NRP1: variants seen among roughly 807,000 people sequenced by gnomAD.
The protein encoded by NRP1 is neuropilin-1.
In NRP1, 35 loss-of-function variants were observed where a neutral mutation model predicts 106.7. The ratio of observed to expected loss-of-function variants is 0.33; its 90% CI spans 0.25 to 0.43. NRP1 has a LOEUF of 0.43. Ranked by LOEUF, NRP1 falls within the 20% of genes least tolerant of loss-of-function variation. The probability of loss-of-function intolerance (pLI) is 1.00; values close to 1 mark genes in which losing one functional copy is unlikely to be tolerated. For synonymous variants in NRP1, 437 were observed against 417.9 expected, an observed-to-expected ratio of 1.05 and a Z score of -0.56; for missense variants, 1,024 against 1,170.4, an observed-to-expected ratio of 0.87 and a Z score of 1.83.
intron 15 of NRP1, 33 bp downstream of exon 15, chr10:33,185,595 A>C (rs1305496668): frequency 6.7e-7 from 1 of 1,494,924 alleles, no homozygotes; most frequent in Non-Finnish European, 9.3e-7. Flanking sequence ...CTGGGCAAGC[A>C]CTCCATTGGT....
intron 6 of NRP1, among the ~76,000 whole-genome samples, chr10:33,231,669 G>A (rs1840142718): frequency 6.6e-6 from 1 of 152,178 alleles, no homozygotes; most frequent in Non-Finnish European, 1.5e-5. Flanking sequence ...GATATAAAGA[G>A]CAGTAAGAGT....
intron 6 of NRP1, among the ~76,000 whole-genome samples, chr10:33,238,611 A>G: frequency 6.6e-6 from 1 of 152,222 alleles, no homozygotes; most frequent in Non-Finnish European, 1.5e-5. Context: ...CTGGTACAAC[A>G]GAGAGAAAAC....
chr10:33,299,707 G>T (rs1845666283), intron 2 of NRP1, among the ~76,000 whole-genome samples: 1 of 152,156 alleles, frequency 6.6e-6, no homozygotes, highest in Admixed American at 6.5e-5. Context: ...GCTCCCTTGA[G>T]CCCAGGAGTT....
In NRP1 at chr10:33,313,933, G is replaced by GTTCC. The variant is rs370164824; in HGVS notation, c.248+16771_248+16774dup. On this transcript the variant is annotated intron_variant, in intron 2 of 16. Transcript: ENST00000374867. ...AAACGTTTATTAGTTTATTACGTAA[G>GTTCC]TTCCTTCCTTCCTTCCTTCCTTCCC... 4.1e-3 allele frequency among the ~76,000 whole-genome samples: 621 copies of GTTCC among 151,882 alleles called. 2 individuals are homozygous for GTTCC. The highest frequency in any genetic ancestry group is 6.7e-3 in the Non-Finnish European group (457 of 67,914).
At chr10:33,256,543 C>T in intron 4 of NRP1, 72 bp from the exon 5 acceptor site, 5 of 1,526,080 alleles carry the variant, frequency 3.3e-6, no homozygotes, top group South Asian at 2.3e-5. Context: ...TTAGCATTTA[C>T]AAAGATGGGC....
chr10:33,187,576 G>T (rs1184408709), intron 13 of NRP1, among the ~76,000 whole-genome samples: 1 of 152,104 alleles, frequency 6.6e-6, no homozygotes. Context: ...TGAACTGCGA[G>T]GACTTTCTCT....
chr10:33,276,142 A>G (rs9971191), intron 2 of NRP1, among the ~76,000 whole-genome samples: 17,775 of 152,216 alleles, frequency 0.12, 1,193 homozygotes, highest in East Asian at 0.15. Context: ...TGTATTTTTC[A>G]AAATTTTTAC....
intron 2 of NRP1, among the ~76,000 whole-genome samples, chr10:33,322,613 C>T (rs1383835922): frequency 6.6e-6 from 1 of 152,020 alleles, no homozygotes; most frequent in African/African-American, 2.4e-5. Context: ...GAACTCCTGG[C>T]CTCAAGCAAT....
chr10:33,242,426 G>T (rs1057323229), intron 6 of NRP1, among the ~76,000 whole-genome samples: 5 of 152,138 alleles, frequency 3.3e-5, no homozygotes, highest in Non-Finnish European at 5.9e-5. Context: ...GCTATAAAAT[G>T]TTGCTGATTG....
chr10:33,332,360 A>G (rs1359051932), intron 1 of NRP1, among the ~76,000 whole-genome samples: 1 of 152,224 alleles, frequency 6.6e-6, no homozygotes, highest in East Asian at 1.9e-4. Context: ...AGACTCTTGC[A>G]TTATTTTGAA....
At chr10:33,327,167 T>C (rs562443559) in intron 2 of NRP1, among the ~76,000 whole-genome samples, 1 of 152,178 alleles carries the variant, frequency 6.6e-6, no homozygotes, top group South Asian at 2.1e-4. Context: ...GGGTGTATCA[T>C]GTGCAAATCA....
At chr10:33,315,691 C>T (rs561988957) in intron 2 of NRP1, among the ~76,000 whole-genome samples, 30 of 149,944 alleles carry the variant, frequency 2.0e-4, no homozygotes, top group Non-Finnish European at 3.9e-4. Flanking sequence ...AGTATAAAAA[C>T]GGTTCTGAGA....
At chr10:33,323,081 C>T (rs868245417) in intron 2 of NRP1, among the ~76,000 whole-genome samples, 33 of 152,014 alleles carry the variant, frequency 2.2e-4, no homozygotes, top group Non-Finnish European at 2.9e-4. Flanking sequence ...AGCAAGAGCC[C>T]GGCATAGGTT....
intron 11 of NRP1, chr10:33,202,622 G>A (rs1418183980): frequency 1.3e-6 from 2 of 1,514,870 alleles, no homozygotes; most frequent in Non-Finnish European, 1.8e-6. Context: ...ATTTAGCCAT[G>A]GGGAAATTCT....
chr10:33,200,135 G>A (rs1034443218), intron 11 of NRP1, among the ~76,000 whole-genome samples: 1 of 152,182 alleles, frequency 6.6e-6, no homozygotes, highest in Non-Finnish European at 1.5e-5. Flanking sequence ...ATACATTAGC[G>A]TTCTGTTCCC....
chr10:33,334,216 G>T, intron 1 of NRP1, 94 bp downstream of exon 1: 1 of 1,167,572 alleles, frequency 8.6e-7, no homozygotes, highest in Non-Finnish European at 1.2e-6. Flanking sequence ...GTTGTTCCCG[G>T]CTGATCCCGG....
intron 2 of NRP1, among the ~76,000 whole-genome samples, chr10:33,292,992 A>AC (rs1845112700): frequency 6.6e-6 from 1 of 151,846 alleles, no homozygotes; most frequent in Non-Finnish European, 1.5e-5. Flanking sequence ...TCTCAAAAAA[A>AC]AAAAAAGCCC....
intron 2 of NRP1, among the ~76,000 whole-genome samples, chr10:33,298,748 A>G: frequency 6.6e-6 from 1 of 152,162 alleles, no homozygotes; most frequent in African/African-American, 2.4e-5. Flanking sequence ...GTAAGATGAG[A>G]AAGATAGTAT....
At chr10:33,311,724 G>C (rs1049017696) in intron 2 of NRP1, among the ~76,000 whole-genome samples, 10 of 152,182 alleles carry the variant, frequency 6.6e-5, no homozygotes, top group African/African-American at 2.4e-4. Flanking sequence ...GAGTTTGTAA[G>C]TTCTGAATTT....
Sources: allele counts gnomAD v4.1 joint callset (sites outside exome capture counted in the v4.1 genomes callset), GRCh38; gene constraint gnomAD v4.1.1; transcripts MANE v1.5; gene names NCBI Gene and HGNC (gene_info 2026-07-23, HGNC 2026-07-21).